The following CD99 variants were observed in gnomAD, a reference collection of about 807,000 sequenced individuals.
CD99 encodes the protein CD99 antigen.
CD99 carries 19 observed loss-of-function variants against 28.4 expected under a neutral mutation model. The ratio of observed to expected loss-of-function variants is 0.67; its 90% CI spans 0.47 to 0.98. The LOEUF is 0.98. Ranked by LOEUF, CD99 falls within the 50% of genes least tolerant of loss-of-function variation. The pLI is 0.00. For missense variants in CD99, 283 were observed against 248.8 expected (o/e 1.14, Z -0.92); for synonymous variants, 103 against 92.1 (o/e 1.12, Z -0.67).
At chrX:2,723,487 C>A in intron 7 of CD99, 123 bp downstream of exon 7, 3 of 1,136,410 alleles carry the variant, frequency 2.6e-6, no homozygotes, top group Non-Finnish European at 4.0e-6. Flanking sequence ...GCAGGAGGCA[C>A]GGGTGTTCTG....
At chrX:2,733,427 T>C (rs2049778290) in intron 8 of CD99, 2 of 1,553,082 alleles carry the variant, frequency 1.3e-6, no homozygotes, top group Non-Finnish European at 8.7e-7. Context: ...GTAATCGTTT[T>C]ATCTGCTAAG....
At chrX:2,722,065 C>G (rs1476764096) in intron 5 of CD99, among the ~76,000 whole-genome samples, 4 of 151,892 alleles carry the variant, frequency 2.6e-5, no homozygotes, top group African/African-American at 9.7e-5. Flanking sequence ...ACCTAGGAAA[C>G]CTTTGCAAAT....
intron 8 of CD99, among the ~76,000 whole-genome samples, chrX:2,732,258 G>A (rs983718041): frequency 4.6e-5 from 7 of 152,024 alleles, no homozygotes; most frequent in Non-Finnish European, 7.4e-5. Context: ...ACCTGGCTCA[G>A]ACCACTAACC....
chrX:2,699,015 C>T (rs2047710756), intron 1 of CD99, among the ~76,000 whole-genome samples: 1 of 151,948 alleles, frequency 6.6e-6, no homozygotes, highest in African/African-American at 2.4e-5. Flanking sequence ...CAGCCTCAAC[C>T]TCCTGGGTTC....
At chrX:2,699,528 C>T (rs1202467526) in intron 1 of CD99, among the ~76,000 whole-genome samples, 3 of 147,868 alleles carry the variant, frequency 2.0e-5, no homozygotes, top group Non-Finnish European at 4.4e-5. Context: ...TGGAGTGCAG[C>T]GATGCAATCT....
intron 5 of CD99, 69 bp downstream of exon 5, chrX:2,720,493 G>A (rs1225561101): frequency 1.2e-5 from 18 of 1,457,814 alleles, no homozygotes; most frequent in Admixed American, 1.7e-5. Flanking sequence ...TGTCAGCTGA[G>A]AGGAGGTGAT....
intron 1 of CD99, chrX:2,692,112 C>G: frequency 1.7e-6 from 1 of 595,664 alleles, no homozygotes; most frequent in Non-Finnish European, 3.0e-6. Flanking sequence ...GAAGAAAGAG[C>G]CACGGTCACC....
chrX:2,710,928 T>G (rs1318366729), intron 1 of CD99, among the ~76,000 whole-genome samples: 1 of 139,986 alleles, frequency 7.1e-6, no homozygotes, highest in Non-Finnish European at 1.5e-5. Context: ...TGGAGTGCAG[T>G]GGCATGATCT....
intron 1 of CD99, among the ~76,000 whole-genome samples, chrX:2,698,353 G>T (rs1603259263): frequency 1.3e-5 from 2 of 152,026 alleles, no homozygotes; most frequent in African/African-American, 4.8e-5. Context: ...TCTTTTTGTA[G>T]AATCGGAGTC....
chrX:2,738,794 A>C (rs1323053540), intron 9 of CD99, among the ~76,000 whole-genome samples: 2 of 151,846 alleles, frequency 1.3e-5, no homozygotes, highest in African/African-American at 4.8e-5. Flanking sequence ...GCTGGTGTGC[A>C]CTGGGAATTA....
intron 2 of CD99, among the ~76,000 whole-genome samples, chrX:2,717,131 G>C (rs2048762210): frequency 6.6e-6 from 1 of 152,138 alleles, no homozygotes; most frequent in African/African-American, 2.4e-5. Context: ...TGGATCACCT[G>C]AGGTCAGGAG....
intron 1 of CD99, among the ~76,000 whole-genome samples, chrX:2,698,923 G>A (rs910401708): frequency 1.3e-5 from 2 of 150,040 alleles, no homozygotes. Flanking sequence ...CGTGTTAGGT[G>A]TTTTAATTTT....
At chrX:2,712,102 T>C (rs2048436161) in intron 1 of CD99, among the ~76,000 whole-genome samples, 1 of 152,116 alleles carries the variant, frequency 6.6e-6, no homozygotes. Flanking sequence ...GACATGATGT[T>C]AAGTGCAGTA....
intron 3 of CD99, 123 bp downstream of exon 3, chrX:2,717,775 G>A: frequency 1.3e-6 from 1 of 767,880 alleles, no homozygotes; most frequent in Non-Finnish European, 2.3e-6. Context: ...CTGGAGTCTG[G>A]TTAATAGTTA....
At chrX:2,719,864 G>A (rs746723336) in intron 4 of CD99, 159 bp downstream of exon 4, 116 of 211,910 alleles carry the variant, frequency 5.5e-4, no homozygotes, top group African/African-American at 2.1e-3. Context: ...TGCTGTTGTC[G>A]TTGGGTTTTT....
intron 8 of CD99, among the ~76,000 whole-genome samples, chrX:2,737,395 C>T (rs1169823220): frequency 8.3e-6 from 1 of 120,962 alleles, no homozygotes; most frequent in Non-Finnish European, 1.7e-5. Flanking sequence ...CCAGGATGGG[C>T]TCGATCTCTT....
Position 2,740,796 on chromosome X carries a change from GA to G in CD99, c.551del (p.Glu184GlyfsTer26). 1.2e-6 allele frequency: 2 copies of G among 1,613,940 alleles called. No individual in the cohort carries two copies. The highest frequency in any genetic ancestry group is 1.7e-6 in the Non-Finnish European group (2 of 1,179,864). Reference sequence around the variant, plus strand: ...TCCCACAGTTCAGCGTACTCTTTTAGAGAAATAGAAGATTGTCGGCAGAAAC... The same window carrying G: ...TCCCACAGTTCAGCGTACTCTTTTAGGAAATAGAAGATTGTCGGCAGAAAC... ...AEPAVQRTLL[E>X]K On this transcript the variant is annotated frameshift_variant, in exon 10 of 10. Coordinates refer to ENST00000381192, the MANE Select transcript of CD99 (RefSeq NM_002414.5). LOFTEE classifies it high-confidence loss of function.
At chrX:2,694,145 C>T (rs2047460260) in intron 1 of CD99, among the ~76,000 whole-genome samples, 1 of 152,164 alleles carries the variant, frequency 6.6e-6, no homozygotes, top group Non-Finnish European at 1.5e-5. Context: ...TGATTTGCCC[C>T]ACCCCCCGGG....
intron 1 of CD99, among the ~76,000 whole-genome samples, chrX:2,693,369 G>T (rs945231224): frequency 6.6e-6 from 1 of 152,022 alleles, no homozygotes. Context: ...AGAGCAGTGG[G>T]ATAGGGGCAT....
Sources: gnomAD v4.1 joint callset for allele counts (sites outside exome capture counted in the v4.1 genomes callset) on GRCh38, gnomAD v4.1.1 for gene constraint, MANE v1.5 for transcripts, NCBI Gene and HGNC (gene_info 2026-07-23, HGNC 2026-07-21) for gene names.